The following REDIC1 variants were observed in gnomAD, a reference collection of about 807,000 sequenced individuals.
REDIC1 encodes the protein regulator of DNA class I crossover intermediates 1, also known as HEI10 Interacting Protein 1.
chr12:39,687,060 T>C, the REDIC1 span, among the ~76,000 whole-genome samples: 1 of 152,184 alleles, frequency 6.6e-6, no homozygotes, highest in Non-Finnish European at 1.5e-5. Flanking sequence ...TCAACTTCAC[T>C]ATCAATATCA....
the REDIC1 span, among the ~76,000 whole-genome samples, chr12:39,709,024 G>A: frequency 2.6e-5 from 4 of 151,732 alleles, no homozygotes; most frequent in South Asian, 2.1e-4. Flanking sequence ...GTTCAGTCTA[G>A]TTTTTTACAT....
the REDIC1 span, among the ~76,000 whole-genome samples, chr12:39,883,635 C>T: frequency 6.6e-6 from 1 of 152,136 alleles, no homozygotes. Context: ...ACTCTCAAAA[C>T]GGTATTAAGA....
chr12:39,723,833 G>A, the REDIC1 span, among the ~76,000 whole-genome samples: 1 of 152,094 alleles, frequency 6.6e-6, no homozygotes, highest in Non-Finnish European at 1.5e-5. Flanking sequence ...GTAATAAGAT[G>A]AGAGGCTATC....
chr12:39,813,342 G>A, the REDIC1 span, among the ~76,000 whole-genome samples: 2 of 151,946 alleles, frequency 1.3e-5, no homozygotes, highest in African/African-American at 2.4e-5. Context: ...TTCAAAAGTA[G>A]AGAGTATAGT....
the REDIC1 span, among the ~76,000 whole-genome samples, chr12:39,782,659 G>A: frequency 6.6e-6 from 1 of 152,134 alleles, no homozygotes; most frequent in Non-Finnish European, 1.5e-5. Context: ...CTTGACATTG[G>A]AACTGGGTAA....
chr12:39,778,317 T>C, the REDIC1 span, among the ~76,000 whole-genome samples: 4 of 152,208 alleles, frequency 2.6e-5, no homozygotes, highest in Admixed American at 1.3e-4. Context: ...ACCCTGCCCA[T>C]GTGCCACCTA....
the REDIC1 span, among the ~76,000 whole-genome samples, chr12:39,682,057 TTTATCTAATTCACC>T: frequency 6.6e-6 from 1 of 152,182 alleles, no homozygotes; most frequent in Admixed American, 6.5e-5. Context: ...CTAATTAGTT[TTTATCTAATTCACC>T]TTATCTCTTG....
the REDIC1 span, chr12:39,626,308 G>A: frequency 6.2e-7 from 1 of 1,613,684 alleles, no homozygotes; most frequent in African/African-American, 1.3e-5. Context: ...TCTAGACACA[G>A]GGACCTCAGT....
chr12:39,760,619 C>T, the REDIC1 span, among the ~76,000 whole-genome samples: 1 of 152,000 alleles, frequency 6.6e-6, no homozygotes, highest in Non-Finnish European at 1.5e-5. Context: ...TATGTACACA[C>T]ACGTATGCTT....
chr12:39,711,547 G>A, the REDIC1 span, among the ~76,000 whole-genome samples: 1 of 77,012 alleles, frequency 1.3e-5, no homozygotes, highest in Non-Finnish European at 2.9e-5. Flanking sequence ...ATATATGTAT[G>A]TGCATACACA....
the REDIC1 span, among the ~76,000 whole-genome samples, chr12:39,699,537 A>T: frequency 6.6e-6 from 1 of 152,204 alleles, no homozygotes; most frequent in Non-Finnish European, 1.5e-5. Flanking sequence ...GGCGCCCGCC[A>T]TTGCCCAGGC....
At chr12:39,905,338 A>C in the REDIC1 span, among the ~76,000 whole-genome samples, 1 of 152,096 alleles carries the variant, frequency 6.6e-6, no homozygotes, top group Non-Finnish European at 1.5e-5. Context: ...ACAGCCTGTA[A>C]TACTGCTCAT....
chr12:39,712,391 C>T, the REDIC1 span, among the ~76,000 whole-genome samples: 1 of 120,856 alleles, frequency 8.3e-6, no homozygotes, highest in African/African-American at 3.0e-5. Flanking sequence ...TATATATATA[C>T]CTGTATGTAT....
At chr12:39,774,800 T>C in the REDIC1 span, among the ~76,000 whole-genome samples, 2 of 152,204 alleles carry the variant, frequency 1.3e-5, no homozygotes, top group Admixed American at 6.5e-5. Flanking sequence ...TATCTATAAA[T>C]CATTGCATCT....
the REDIC1 span, among the ~76,000 whole-genome samples, chr12:39,826,854 A>ATTTTTTTTTTTTTTTTTT: frequency 8.9e-5 from 6 of 67,392 alleles, 1 homozygote; most frequent in African/African-American, 2.8e-4. Flanking sequence ...GTCTCTTTCA[A>ATTTTTTTTTTTTTTTTTT]TTTTTTTTTT....
At chr12:39,845,727 T>C in the REDIC1 span, among the ~76,000 whole-genome samples, 1 of 152,132 alleles carries the variant, frequency 6.6e-6, no homozygotes, top group Non-Finnish European at 1.5e-5. Context: ...GTGTAATCAT[T>C]TGCTCTCACA....
the REDIC1 span, among the ~76,000 whole-genome samples, chr12:39,717,124 C>CAT: frequency 5.2e-3 from 775 of 149,720 alleles, 4 homozygotes; most frequent in Non-Finnish European, 7.5e-3. Flanking sequence ...TATATACATA[C>CAT]ATATATATAC....
chr12:39,819,575 A>G, the REDIC1 span, among the ~76,000 whole-genome samples: 1 of 152,240 alleles, frequency 6.6e-6, no homozygotes, highest in East Asian at 1.9e-4. Flanking sequence ...TTTCTCTCAA[A>G]TGTCCTTGAC....
At chr12:39,777,834 C>A in the REDIC1 span, among the ~76,000 whole-genome samples, 10 of 152,200 alleles carry the variant, frequency 6.6e-5, no homozygotes, top group Non-Finnish European at 1.3e-4. Context: ...TCAATAAAAC[C>A]TTGCACTCAT....
Sources: gnomAD v4.1 joint callset for allele counts (sites outside exome capture counted in the v4.1 genomes callset) on GRCh38, gnomAD v4.1.1 for gene constraint, MANE v1.5 for transcripts, NCBI Gene and HGNC (gene_info 2026-07-23, HGNC 2026-07-21) for gene names.